Variants in RIF1 observed in about 807,000 individuals in gnomAD.
RIF1 encodes the protein telomere-associated protein RIF1.
RIF1 carries 45 observed loss-of-function variants against 247.1 expected under a neutral mutation model. The ratio of observed to expected loss-of-function variants is 0.18; its 90% CI spans 0.14 to 0.23. RIF1 has a LOEUF of 0.23. Ranked by LOEUF, RIF1 falls within the 10% of genes least tolerant of loss-of-function variation. The probability of loss-of-function intolerance (pLI) is 1.00; values close to 1 mark genes in which losing one functional copy is unlikely to be tolerated. For missense variants in RIF1, 2,967 were observed against 2,862.5 expected (o/e 1.04, Z -0.83); for synonymous variants, 1,087 against 978.8 (o/e 1.11, Z -2.06).
At chr2:151,439,934 C>G in intron 14 of RIF1, 93 bp from the exon 15 acceptor site, 2 of 620,528 alleles carry the variant, frequency 3.2e-6, no homozygotes, top group Non-Finnish European at 2.7e-6. Context: ...GGTTGTGCCC[C>G]TGTACCCCAG....
At chr2:151,487,955 A>G (rs748119905) in intron 9 of RIF1, among the ~76,000 whole-genome samples, 3 of 152,124 alleles carry the variant, frequency 2.0e-5, no homozygotes, top group Non-Finnish European at 2.9e-5. Flanking sequence ...ATGATACAAT[A>G]TGATATTTGA....
intron 21 of RIF1, among the ~76,000 whole-genome samples, chr2:151,453,373 G>A (rs1228009220): frequency 6.6e-6 from 1 of 151,928 alleles, no homozygotes; most frequent in Non-Finnish European, 1.5e-5. Context: ...GGTCAGGAGT[G>A]CTAGACCAGC....
At chr2:151,482,416 CTGT>C (rs566416682), downstream of RIF1, among the ~76,000 whole-genome samples, 190 of 151,982 alleles carry the variant, frequency 1.3e-3, 2 homozygotes, top group South Asian at 0.019. Flanking sequence ...GGTGGTTTTT[CTGT>C]TGTTGTTGTT....
chr2:151,430,149 TAGTTGGGATTAC>T, intron 9 of RIF1, among the ~76,000 whole-genome samples: 1 of 151,662 alleles, frequency 6.6e-6, no homozygotes, highest in East Asian at 1.9e-4. Context: ...GCCTCCCGAT[TAGTTGGGATTAC>T]AGGTGCTCGT....
Position 151,474,837 on chromosome 2 carries a change from GTT to G in RIF1, c.7205-11_7205-10del. ...TTTGTCTGGTATAGATTTAATTGTG[GTT>G]TTTTTTTTCTCTTTTAGATATAATT... On this transcript the variant is annotated intron_variant, in intron 35 of 35. Coordinates refer to ENST00000444746, the MANE Select transcript of RIF1 (RefSeq NM_018151.5). 8.2e-7 allele frequency: 1 copy of G among 1,218,314 alleles called. No homozygotes were observed. The highest frequency in any genetic ancestry group is 1.2e-6 in the Non-Finnish European group (1 of 864,042). 75.5% of individuals were successfully genotyped at this position (1,218,314 alleles called of 1,614,324 possible).
intron 3 of RIF1, among the ~76,000 whole-genome samples, chr2:151,414,276 A>T (rs1228346729): frequency 7.2e-6 from 1 of 139,574 alleles, no homozygotes; most frequent in Non-Finnish European, 1.6e-5. Flanking sequence ...ACAAGAGCGA[A>T]ACTCTGTCTC....
chr2:151,437,416 C>G, intron 13 of RIF1, 65 bp downstream of exon 13: 1 of 1,176,208 alleles, frequency 8.5e-7, no homozygotes, highest in Non-Finnish European at 1.3e-6. Context: ...ATAGGCCAGT[C>G]ACAGTACCTC....
chr2:151,526,009 T>C, the RIF1 span: 44 of 1,614,010 alleles, frequency 2.7e-5, no homozygotes, highest in East Asian at 8.9e-4. Flanking sequence ...CCCGGGTCTC[T>C]GGTAGTGTTG....
intron 3 of RIF1, among the ~76,000 whole-genome samples, chr2:151,414,040 G>A (rs925261576): frequency 5.3e-5 from 8 of 152,128 alleles, no homozygotes; most frequent in East Asian, 1.9e-4. Context: ...AGCCAGGCAC[G>A]GTGGCTCACG....
chr2:151,496,251 G>C (rs368290448), intron 10 of RIF1: 21 of 1,551,950 alleles, frequency 1.4e-5, no homozygotes, highest in Non-Finnish European at 1.8e-5. Flanking sequence ...TCAGTAAGTA[G>C]TTTTTTTCTT....
chr2:151,491,614 ATGAAAGTCATT>A lies in RIF1; in HGVS notation c.*416-3614_*416-3604del, dbSNP rs1205670535. 13 of 1,298,860 alleles carry A rather than the reference ATGAAAGTCATT, an allele frequency of 1.0e-5. No homozygotes were observed. The East Asian group carries it at 3.3e-4, about 33-fold the overall frequency. The allele number at this position is 1,298,860 out of a possible 1,614,324, so 80.5% of individuals were successfully genotyped here. ...GGAGGGAAGGAACTTCAGAGCCCAAATGAAAGTCATTGACTCTAGCATACTAAATGGTGATG... is the reference window on the plus strand; with the variant it reads ...GGAGGGAAGGAACTTCAGAGCCCAAAGACTCTAGCATACTAAATGGTGATG... On this transcript the variant is annotated intron_variant and NMD_transcript_variant, in intron 9 of 13. Coordinates refer to the RIF1 transcript ENST00000454583.
At chr2:151,486,243 A>G (rs35625172), downstream of RIF1, 3,075 of 263,682 alleles carry the variant, frequency 0.012, 44 homozygotes, top group African/African-American at 0.029. Flanking sequence ...AAAAGCACAC[A>G]AAAGGATGCT....
At chr2:151,487,428 A>T (rs891534930) in intron 9 of RIF1, among the ~76,000 whole-genome samples, 4 of 152,248 alleles carry the variant, frequency 2.6e-5, no homozygotes, top group Non-Finnish European at 4.4e-5. Flanking sequence ...TCAAATTCAC[A>T]AATAGATTTC....
Position 151,479,187 on chromosome 2 carries a change from A to T in RIF1, c.*4116A>T, listed in dbSNP as rs1176763903. ...GGTTTTGGTAAGCCAGGCAGATTCA[A>T]GTCCTTTTATAACTGTCAATTTTGT... is the stretch of plus-strand genomic sequence containing the variant. On this transcript the variant is annotated 3_prime_UTR_variant, in exon 36 of 36. Coordinates refer to ENST00000444746, the MANE Select transcript of RIF1 (RefSeq NM_018151.5). The T allele has an allele frequency of 6.6e-6, 1 of 152,218 alleles. No individual in the cohort carries two copies. Among genetic ancestry groups the T allele is most frequent in the East Asian group, 1.9e-4 (1 of 5,202 alleles). 9.4% of individuals were successfully genotyped at this position (152,218 alleles called of 1,614,324 possible). A position where few individuals can be genotyped will look rare whatever the true frequency, so the allele number is the denominator to read the frequency against.
downstream of RIF1, among the ~76,000 whole-genome samples, chr2:151,508,594 G>A (rs1028301658): frequency 2.0e-5 from 3 of 152,254 alleles, no homozygotes; most frequent in Non-Finnish European, 2.9e-5. Context: ...AGCAGGTGCG[G>A]TCAGGGCTCC....
Position 151,438,639 on chromosome 2 carries a change from C to A in RIF1, c.1484-45C>A, listed in dbSNP as rs745771615. 4 of 1,211,010 alleles carry A rather than the reference C, an allele frequency of 3.3e-6. No individual in the cohort carries two copies. In the Admixed American group the frequency reaches 6.7e-5, roughly 20 times the overall value. The allele number at this position is 1,211,010 out of a possible 1,614,324, so 75.0% of individuals were successfully genotyped here. On this transcript the variant is annotated intron_variant, in intron 13 of 35. Coordinates refer to ENST00000444746, the MANE Select transcript of RIF1 (RefSeq NM_018151.5). ...GAGAGTGTTAGTCATAGTACGTAGT[C>A]ATATGTACTTCATTTAAAATACTCA...
At chr2:151,489,463 G>C (rs983488802) in intron 9 of RIF1, among the ~76,000 whole-genome samples, 1 of 152,170 alleles carries the variant, frequency 6.6e-6, no homozygotes, top group Non-Finnish European at 1.5e-5. Context: ...CAGTGGTGCA[G>C]TTATGGCTCA....
intron 10 of RIF1, chr2:151,498,361 T>TGAG (rs1479388254): frequency 1.3e-6 from 2 of 1,533,120 alleles, no homozygotes; most frequent in Middle Eastern, 3.4e-4. Context: ...ACCTGTATGA[T>TGAG]GAGAAAGCAT....
chr2:151,450,573 C>T (rs923756299), intron 20 of RIF1, among the ~76,000 whole-genome samples: 2 of 151,784 alleles, frequency 1.3e-5, no homozygotes, highest in Non-Finnish European at 2.9e-5. Context: ...TTAAAAACAC[C>T]ATCCTGAGCA....
Sources: allele counts gnomAD v4.1 joint callset (sites outside exome capture counted in the v4.1 genomes callset), GRCh38; gene constraint gnomAD v4.1.1; transcripts MANE v1.5; gene names NCBI Gene and HGNC (gene_info 2026-07-23, HGNC 2026-07-21).